The following STK3 variants were observed in gnomAD, a reference collection of about 807,000 sequenced individuals.
STK3 encodes serine/threonine-protein kinase 3.
STK3 carries 41 observed loss-of-function variants against 58.0 expected under a neutral mutation model. The observed-to-expected ratio is 0.71, with a 90% CI of 0.55 to 0.92. STK3 has a LOEUF of 0.92. STK3 is among the 40% of genes least tolerant of loss of function. The probability of loss-of-function intolerance (pLI) is 0.00; values close to 1 mark genes in which losing one functional copy is unlikely to be tolerated. For missense variants in STK3, 479 were observed against 602.7 expected (o/e 0.79, Z 2.15); for synonymous variants, 170 against 191.0 (o/e 0.89, Z 0.91).
chr8:98,429,676 G>T lies in STK3; in HGVS notation n.483+4451C>A, dbSNP rs3802197. ...GTGGGCATAAAATGTTCACCTTTTTGCCAGATGAGTACACCCAGAATGCTA... is the reference window on the plus strand; with the variant it reads ...GTGGGCATAAAATGTTCACCTTTTTTCCAGATGAGTACACCCAGAATGCTA... On this transcript the variant is annotated intron_variant and non_coding_transcript_variant, in intron 3 of 3. Coordinates refer to the STK3 transcript ENST00000517832. 329,640 of 453,098 alleles carry T rather than the reference G, an allele frequency of 0.73. 122,483 individuals are homozygous for T. Among genetic ancestry groups the T allele is most frequent in the Admixed American group, 0.82 (21,213 of 25,726 alleles). The allele number at this position is 453,098 out of a possible 1,614,324, so 28.1% of individuals were successfully genotyped here.
chr8:98,832,703 G>T (rs1211425704), intron 3 of STK3, among the ~76,000 whole-genome samples: 1 of 151,986 alleles, frequency 6.6e-6, no homozygotes, highest in Non-Finnish European at 1.5e-5. Flanking sequence ...GCCAAGGGGG[G>T]GTCCATTCAG....
the STK3 span, among the ~76,000 whole-genome samples, chr8:98,350,997 G>GA: frequency 2.6e-5 from 4 of 152,130 alleles, no homozygotes; most frequent in African/African-American, 9.7e-5. Context: ...GAAAAAGAAA[G>GA]AAAATTAGAT....
intron 10 of STK3, among the ~76,000 whole-genome samples, chr8:98,502,816 T>C (rs1441240634): frequency 6.6e-6 from 1 of 152,236 alleles, no homozygotes; most frequent in Non-Finnish European, 1.5e-5. Flanking sequence ...CAGTATTTTA[T>C]TGAGAATTTT....
intron 1 of STK3, among the ~76,000 whole-genome samples, chr8:98,923,182 C>G (rs890712883): frequency 1.3e-5 from 2 of 152,110 alleles, no homozygotes; most frequent in Non-Finnish European, 2.9e-5. Flanking sequence ...TGCTTACAGT[C>G]AATGACCCAT....
At chr8:98,684,533 C>T (rs1209502647) in intron 6 of STK3, among the ~76,000 whole-genome samples, 1 of 152,166 alleles carries the variant, frequency 6.6e-6, no homozygotes, top group African/African-American at 2.4e-5. Context: ...AAAGCAACTT[C>T]ATAAAGCTAG....
rs541131650 is a variant in STK3 at position 98,428,030 on chromosome 8, G to A, written n.483+6097C>T. On this transcript the variant is annotated intron_variant and non_coding_transcript_variant, in intron 3 of 3. Coordinates refer to the STK3 transcript ENST00000517832. This position sits in a 1 kb window ranked among gnomAD's most constrained non-coding sequence, Gnocchi z 6.7. ...TGTCGGAGGCTAACGTCGAGGACGG[G>A]GAGATCCGCATCAATGTGGGCGGCT... 845 of 1,606,344 alleles carry A rather than the reference G, an allele frequency of 5.3e-4. 11 individuals are homozygous for A. The South Asian group carries it at 8.9e-3, about 17-fold the overall frequency.
downstream of STK3, among the ~76,000 whole-genome samples, chr8:98,400,811 G>A (rs1387127572): frequency 6.6e-6 from 1 of 151,750 alleles, no homozygotes; most frequent in Non-Finnish European, 1.5e-5. Flanking sequence ...TTTCCTGATT[G>A]TAACTCAGAT....
At chr8:98,699,380 T>C (rs1452376465) in intron 6 of STK3, among the ~76,000 whole-genome samples, 1 of 152,250 alleles carries the variant, frequency 6.6e-6, no homozygotes, top group African/African-American at 2.4e-5. Flanking sequence ...TCATTCTCCG[T>C]CCAGCTTTGT....
At chr8:98,615,485 A>C (rs1318106103) in intron 6 of STK3, among the ~76,000 whole-genome samples, 1 of 149,452 alleles carries the variant, frequency 6.7e-6, no homozygotes, top group East Asian at 2.0e-4. Context: ...AGCTGAGAGA[A>C]GAAGGTTTCA....
rs568662200 is a variant in STK3 at position 98,891,190 on chromosome 8, A to C, written c.-78-7356T>G. 3.3e-5 allele frequency among the ~76,000 whole-genome samples: 5 copies of C among 152,360 alleles called. No individual in the cohort carries two copies. In the Middle Eastern group the frequency reaches 0.014, roughly 415 times the overall value. On this transcript the variant is annotated intron_variant, in intron 1 of 1. Transcript: ENST00000519420. ...TGCGCCTTTTGCAGCTCAGCACCGCATGGTGCAGCTGTTGTATTGGCCAAA... is the reference window on the plus strand; with the variant it reads ...TGCGCCTTTTGCAGCTCAGCACCGCCTGGTGCAGCTGTTGTATTGGCCAAA...
downstream of STK3, chr8:98,880,969 T>G (rs978210304): frequency 6.6e-6 from 1 of 152,256 alleles, no homozygotes; most frequent in Non-Finnish European, 1.5e-5. Flanking sequence ...ATGGTTTTGC[T>G]CCTTGGTATC....
chr8:98,881,499 T>C (rs146857542), downstream of STK3: 1 of 152,324 alleles, frequency 6.6e-6, no homozygotes, highest in East Asian at 1.9e-4. Flanking sequence ...ACACAAAGAA[T>C]TAACCCTAAT....
At chr8:98,584,252 C>T (rs1049712988) in intron 7 of STK3, among the ~76,000 whole-genome samples, 1 of 151,644 alleles carries the variant, frequency 6.6e-6, no homozygotes, top group African/African-American at 2.4e-5. Flanking sequence ...TCCCCCTTCC[C>T]CCCACCCCAC....
chr8:98,474,337 G>A (rs1821147758), intron 10 of STK3, among the ~76,000 whole-genome samples: 1 of 152,178 alleles, frequency 6.6e-6, no homozygotes, highest in Non-Finnish European at 1.5e-5. Context: ...CTGCCCCTAA[G>A]ATACGGAAAT....
intron 10 of STK3, among the ~76,000 whole-genome samples, chr8:98,492,655 A>G (rs1729542464): frequency 6.6e-6 from 1 of 152,222 alleles, no homozygotes; most frequent in African/African-American, 2.4e-5. Context: ...AAGAAGACCT[A>G]CAATGGCAGT....
chr8:98,559,652 C>T (rs760383475), intron 8 of STK3, among the ~76,000 whole-genome samples: 29 of 152,112 alleles, frequency 1.9e-4, no homozygotes, highest in Non-Finnish European at 8.8e-5. Flanking sequence ...GCCTGCTACA[C>T]AAAATGACTT....
chr8:98,413,760 T>C, intron 3 of STK3: 2 of 694,884 alleles, frequency 2.9e-6, no homozygotes, highest in Admixed American at 3.9e-5. Context: ...CCTGACCCCA[T>C]GAGAGGAAGC....
intron 3 of STK3, among the ~76,000 whole-genome samples, chr8:98,393,941 T>A (rs1401833212): frequency 6.6e-6 from 1 of 152,224 alleles, no homozygotes; most frequent in Non-Finnish European, 1.5e-5. Context: ...TTTATAGCAC[T>A]AACTAGCCAC....
At chr8:98,696,753 T>C (rs1448003178) in intron 6 of STK3, among the ~76,000 whole-genome samples, 1 of 151,994 alleles carries the variant, frequency 6.6e-6, no homozygotes, top group African/African-American at 2.4e-5. Context: ...GCTGGATTCG[T>C]TTTGCCAGTA....
Sources: allele counts gnomAD v4.1 joint callset (sites outside exome capture counted in the v4.1 genomes callset), GRCh38; gene constraint gnomAD v4.1.1; non-coding constraint Gnocchi (gnomAD v3.1); transcripts MANE v1.5; gene names NCBI Gene and HGNC (gene_info 2026-07-23, HGNC 2026-07-21).